CLEC10A: variants seen among roughly 807,000 people sequenced by gnomAD.
CLEC10A encodes the protein C-type lectin domain family 10 member A.
Under a neutral mutation model 42.0 loss-of-function variants are expected in CLEC10A, and 38 were observed. That is an observed-to-expected ratio of 0.90 (90% CI 0.70 to 1.18). The LOEUF (loss-of-function observed/expected upper bound fraction) is 1.18. CLEC10A is among the 50% of genes most tolerant of loss of function. CLEC10A has a pLI of 0.00. For missense variants in CLEC10A, 298 were observed against 345.9 expected (o/e 0.86, Z 1.10); for synonymous variants, 126 against 139.9 (o/e 0.90, Z 0.70).
At position 7,077,045 on chromosome 17, in the gene CLEC10A, C is replaced by T. The variant is rs924475094; in HGVS notation, c.185-58G>A. 4 of 1,193,718 alleles carry T rather than the reference C, an allele frequency of 3.4e-6. No homozygotes were observed. The Admixed American group carries it at 5.1e-5, about 15-fold the overall frequency. The allele number at this position is 1,193,718 out of a possible 1,614,324, so 73.9% of individuals were successfully genotyped here. On this transcript the variant is annotated intron_variant, in intron 3 of 8. Transcript: ENST00000416562. The stretch of plus-strand genomic sequence containing the variant: ...ATTCATCAGGTCCTCTGTACCAGCA[C>T]CGAGCAGGGCCCTCCATAAGCATTG...
At chr17:7,075,313 G>A in intron 8 of CLEC10A, 47 bp downstream of exon 8, 1 of 1,506,278 alleles carries the variant, frequency 6.6e-7, no homozygotes, top group South Asian at 1.4e-5. Context: ...ATCCCTGGGG[G>A]AAACGCTGAC....
chr17:7,076,587 C>G (rs1911766426), intron 5 of CLEC10A, 146 bp downstream of exon 5: 1 of 901,150 alleles, frequency 1.1e-6, no homozygotes, highest in African/African-American at 1.6e-5. Flanking sequence ...GCTGGGATTA[C>G]AGGCGTGAAC....
Position 7,075,043 on chromosome 17 carries a change from C to A in CLEC10A, c.*11G>T. The stretch of plus-strand genomic sequence containing the variant: ...CCATTTCTGTGGCCGGGTGGTCCCA[C>A]CAAAGGCAGCTCAGTGACTCTCCTG... On this transcript the variant is annotated 3_prime_UTR_variant, in exon 9 of 9. Transcript: ENST00000416562. The A allele has an allele frequency of 6.5e-7, 1 of 1,547,190 alleles. No homozygotes were observed. Among genetic ancestry groups the A allele is most frequent in the Non-Finnish European group, 8.7e-7 (1 of 1,153,510 alleles).
At chr17:7,077,026 C>T in intron 3 of CLEC10A, 39 bp from the exon 4 acceptor site, 1 of 1,442,658 alleles carries the variant, frequency 6.9e-7, no homozygotes, top group South Asian at 1.1e-5. Flanking sequence ...TGGGATTCAT[C>T]AGGTCCTCTG....
chr17:7,077,669 C>T (rs1911897043), intron 3 of CLEC10A, among the ~76,000 whole-genome samples: 1 of 140,730 alleles, frequency 7.1e-6, no homozygotes, highest in Non-Finnish European at 1.6e-5. Context: ...CGTCTGTGCC[C>T]CCACCACCGT....
rs529758948 is a variant in CLEC10A at position 7,078,406 on chromosome 17, C to T, written c.68-293G>A. ...AGGAGGACACAGGGAGAGCTGGGGG[C>T]AGCCAGCCCTTCATGGGCTTATGCT... On this transcript the variant is annotated intron_variant, in intron 2 of 8. Coordinates refer to ENST00000416562, the MANE Select transcript of CLEC10A (RefSeq NM_001330070.2). The T allele has an allele frequency of 5.0e-5, 25 of 501,096 alleles. No homozygotes were observed. The East Asian group carries it at 7.7e-4, about 15-fold the overall frequency. The allele number at this position is 501,096 out of a possible 1,614,324, so 31.0% of individuals were successfully genotyped here.
intron 2 of CLEC10A, chr17:7,078,405 G>A (rs1345834440): frequency 2.0e-6 from 1 of 502,136 alleles, no homozygotes. Context: ...AGAGCTGGGG[G>A]CAGCCAGCCC....
chr17:7,079,202 GA>G (rs1912038637), intron 1 of CLEC10A, among the ~76,000 whole-genome samples: 1 of 152,142 alleles, frequency 6.6e-6, no homozygotes, highest in African/African-American at 2.4e-5. Context: ...GGTGAATTTG[GA>G]AACAGAATAG....
chr17:7,075,813 G>C lies in CLEC10A; in HGVS notation c.512C>G (p.Ser171Cys). The C allele has an allele frequency of 1.9e-6, 3 of 1,614,202 alleles. No homozygotes were observed. Among genetic ancestry groups the C allele is most frequent in the Non-Finnish European group, 2.5e-6 (3 of 1,180,032 alleles). Residue 171 changes from serine (S) to cysteine (C), a missense_variant, in exon 7 of 9, where the codon TCT (serine) becomes TGT (cysteine). By Grantham distance (112) the Ser-to-Cys change is moderately radical (BLOSUM62 -1). Transcript: ENST00000416562. ...HQDSCYWFSH[S>C]GMSWAEAEKY... is the part of the protein sequence containing the mutation. ...CTCAGCCTCGGCCCAGGACATCCCA[G>C]AGTGAGAGAACCAGTAGCAGCTGTC... is the stretch of plus-strand genomic sequence containing the variant.
chr17:7,076,243 TCCTCTG>T, intron 5 of CLEC10A, 172 bp from the exon 6 acceptor site: 2 of 1,226,538 alleles, frequency 1.6e-6, no homozygotes, highest in Non-Finnish European at 1.1e-6. Flanking sequence ...TGCTTTGGAT[TCCTCTG>T]CCCCTGTTTC....
chr17:7,078,930 C>A, intron 1 of CLEC10A, 45 bp from the exon 2 acceptor site: 2 of 892,230 alleles, frequency 2.2e-6, no homozygotes, highest in Non-Finnish European at 1.9e-6. Context: ...AAGGGCAGGG[C>A]TGACGTTGAG....
At position 7,075,785 on chromosome 17, in the gene CLEC10A, C is replaced by A. The variant is rs1306515468; in HGVS notation, c.540G>T (p.Lys180Asn). 6.2e-7 allele frequency: 1 copy of A among 1,614,236 alleles called. No individual in the cohort carries two copies. Residue 180 changes from lysine to asparagine, a missense_variant, in exon 7 of 9, where the codon AAG becomes AAT. Around this residue, in one of 3 missense-constraint regions of CLEC10A, gnomAD observed 267 missense variants for 289.5 expected, o/e 0.92. Transcript: ENST00000416562. Reference sequence around the variant, plus strand: ...GGTGGGCGTTCTTCAGCTGGCAGTACTTCTCAGCCTCGGCCCAGGACATCC... The same window carrying A: ...GGTGGGCGTTCTTCAGCTGGCAGTAATTCTCAGCCTCGGCCCAGGACATCC... ...HSGMSWAEAE[K>N]YCQLKNAHLV...
At chr17:7,079,531 C>T (rs926455928) in intron 1 of CLEC10A, among the ~76,000 whole-genome samples, 5 of 151,456 alleles carry the variant, frequency 3.3e-5, no homozygotes, top group Non-Finnish European at 5.9e-5. Context: ...GGCAGTGAGC[C>T]GAGGTTGTGC....
At chr17:7,079,704 T>A (rs1912063922) in intron 1 of CLEC10A, among the ~76,000 whole-genome samples, 1 of 152,128 alleles carries the variant, frequency 6.6e-6, no homozygotes, top group Non-Finnish European at 1.5e-5. Context: ...AGTTTATTTT[T>A]ATTTTTATTT....
intron 1 of CLEC10A, among the ~76,000 whole-genome samples, chr17:7,079,348 C>T (rs978804354): frequency 5.9e-5 from 9 of 152,198 alleles, no homozygotes; most frequent in African/African-American, 1.4e-4. Flanking sequence ...TTTGGGAGAC[C>T]GAAGCAGACA....
In CLEC10A at chr17:7,075,718, C is replaced by T. The variant is rs1567743825; in HGVS notation, c.594+13G>A. The T allele has an allele frequency of 1.2e-6, 2 of 1,614,168 alleles. No individual in the cohort carries two copies. Among genetic ancestry groups the T allele is most frequent in the Middle Eastern group, 1.7e-4 (1 of 6,060 alleles). On this transcript the variant is annotated intron_variant, in intron 7 of 8. Transcript: ENST00000416562. ...GGGACATGTCTTAGGAACTGAGTAC[C>T]AGAAGCCCTCACCTGCTCCTCCCTG... is the stretch of plus-strand genomic sequence containing the variant.
chr17:7,077,927 C>T, intron 3 of CLEC10A, 70 bp downstream of exon 3: 1 of 1,223,860 alleles, frequency 8.2e-7, no homozygotes, highest in South Asian at 1.3e-5. Flanking sequence ...CACTGCCCTA[C>T]TGTAGCACCC....
At position 7,076,380 on chromosome 17, in the gene CLEC10A, G is replaced by A. The variant is rs150488193; in HGVS notation, c.353-309C>T. Among the ~76,000 whole-genome samples, 1,036 of 144,226 alleles carry A rather than the reference G, an allele frequency of 7.2e-3. 19 individuals carry two copies. The highest frequency in any genetic ancestry group is 0.025 in the African/African-American group (980 of 38,542). 94.6% of individuals were successfully genotyped at this position (144,226 alleles called of 152,430 possible). A position where few individuals can be genotyped will look rare whatever the true frequency, so the allele number is the denominator to read the frequency against. On this transcript the variant is annotated intron_variant, in intron 5 of 8. Transcript: ENST00000416562. ...GGCTGGAGTGCAATGGCGCGATCTC[G>A]GCTCACGGCTACCTCCGCCTCCCGT...
At chr17:7,075,547 C>T (rs753947899) in intron 7 of CLEC10A, 81 bp from the exon 8 acceptor site, 7 of 1,429,968 alleles carry the variant, frequency 4.9e-6, no homozygotes, top group South Asian at 3.7e-5. Context: ...TTTAGCTCTT[C>T]GTTAAATCAA....
Sources: gnomAD v4.1 joint callset for allele counts (sites outside exome capture counted in the v4.1 genomes callset) on GRCh38, gnomAD v4.1.1 for gene constraint, gnomAD v4.1.1 regional missense constraint, MANE v1.5 for transcripts, NCBI Gene and HGNC (gene_info 2026-07-23, HGNC 2026-07-21) for gene names.